CPHXL: variants seen among roughly 807,000 people sequenced by gnomAD.
CPHXL encodes the protein cytoplasmic polyadenylated homeobox like, also known as cytoplasmic polyadenylated homeobox-like protein.
At chr16:75,723,279 G>C (rs1156449623) in intron 1 of CPHXL, among the ~76,000 whole-genome samples, 1 of 152,068 alleles carries the variant, frequency 6.6e-6, no homozygotes, top group Non-Finnish European at 1.5e-5. Flanking sequence ...AGAAATAAAG[G>C]GTATTCAATT....
intron 1 of CPHXL, among the ~76,000 whole-genome samples, chr16:75,722,208 A>G (rs975632069): frequency 2.0e-5 from 3 of 152,214 alleles, no homozygotes; most frequent in African/African-American, 4.8e-5. Flanking sequence ...GAGAAGCAAG[A>G]GGAAACACAT....
intron 2 of CPHXL, among the ~76,000 whole-genome samples, chr16:75,715,851 T>A (rs1383483000): frequency 6.6e-6 from 1 of 151,098 alleles, no homozygotes; most frequent in Non-Finnish European, 1.5e-5. Flanking sequence ...AGCACCACCA[T>A]GCCCGGCTAA....
intron 1 of CPHXL, among the ~76,000 whole-genome samples, chr16:75,721,904 C>T (rs900187577): frequency 7.5e-4 from 115 of 152,328 alleles, no homozygotes; most frequent in African/African-American, 2.7e-3. Flanking sequence ...AACAAACTGT[C>T]TCTCAGACCA....
intron 2 of CPHXL, among the ~76,000 whole-genome samples, chr16:75,717,303 A>AATACCG (rs1959406631): frequency 6.6e-6 from 1 of 152,160 alleles, no homozygotes; most frequent in African/African-American, 2.4e-5. Context: ...ACATAATACT[A>AATACCG]TTTTCTTATG....
chr16:75,721,240 T>C (rs1424162314), intron 1 of CPHXL, among the ~76,000 whole-genome samples: 11 of 152,100 alleles, frequency 7.2e-5, no homozygotes, highest in Non-Finnish European at 1.5e-4. Flanking sequence ...AGGATCAAAT[T>C]CACACATAAC....
chr16:75,714,951 G>T lies in CPHXL; in HGVS notation c.491C>A (p.Thr164Asn), dbSNP rs980621997. ...CTGGGGGCCCACCTGTTGACTGGGA[G>T]TCTCTTGGTTCTCCAAAGAGAAACA... is the stretch of plus-strand genomic sequence containing the variant. ...YNCFSLENQE[T>N]PSQQVGPQCS... The change falls in exon 3 of 3, where the codon ACT becomes AAT. Residue 164 changes from threonine (T) to asparagine (N), a missense_variant. Coordinates refer to ENST00000640559, the MANE Select transcript of CPHXL (RefSeq NM_001355613.1). The T allele has an allele frequency of 2.5e-6, 1 of 398,602 alleles. No individual in the cohort carries two copies. The highest frequency in any genetic ancestry group is 4.4e-6 in the Non-Finnish European group (1 of 226,062). The allele number at this position is 398,602 out of a possible 1,614,324, so 24.7% of individuals were successfully genotyped here.
rs533297672 is a variant in CPHXL at position 75,720,396 on chromosome 16, G to T, written c.26-1938C>A. On this transcript the variant is annotated intron_variant, in intron 1 of 2. Coordinates refer to ENST00000640559, the MANE Select transcript of CPHXL (RefSeq NM_001355613.1). Reference sequence around the variant, plus strand: ...TGGCTAAGTAGAATAACCAAAGCAGGGAAGTCGTTAAAGGACCTGATGGAG... The same window carrying T: ...TGGCTAAGTAGAATAACCAAAGCAGTGAAGTCGTTAAAGGACCTGATGGAG... Among the ~76,000 whole-genome samples the T allele has an allele frequency of 6.6e-5, 10 of 152,204 alleles. No individual in the cohort carries two copies. In the South Asian group the frequency reaches 1.9e-3, roughly 28 times the overall value.
Position 75,718,317 on chromosome 16 carries a change from G to A in CPHXL, c.167C>T (p.Thr56Ile). Residue 56 changes from threonine (T) to isoleucine (I), a missense_variant, in exon 2 of 3, where the codon ACA becomes ATA. Thr to Ile is a moderately conservative substitution (Grantham distance 89, BLOSUM62 -1). Coordinates refer to ENST00000640559, the MANE Select transcript of CPHXL (RefSeq NM_001355613.1). The stretch of plus-strand genomic sequence containing the variant: ...TTTGATGGCCAGTGTTTTCCTAGTT[G>A]TGTAATCGGGATAACAGTTCTCTCC... ...IFGENCYPDY[T>I]TRKTLAIKFD... The A allele has an allele frequency of 2.5e-6, 1 of 398,704 alleles. No homozygotes were observed. Among genetic ancestry groups the A allele is most frequent in the Non-Finnish European group, 4.4e-6 (1 of 226,200 alleles). 24.7% of individuals were successfully genotyped at this position (398,704 alleles called of 1,614,324 possible).
Position 75,714,801 on chromosome 16 carries a change from G to C in CPHXL, c.641C>G (p.Thr214Ser), listed in dbSNP as rs948849959. 2 of 398,542 alleles carry C rather than the reference G, an allele frequency of 5.0e-6. No individual in the cohort carries two copies. The highest frequency in any genetic ancestry group is 2.1e-5 in the African/African-American group (1 of 48,622). 24.7% of individuals were successfully genotyped at this position (398,542 alleles called of 1,614,324 possible). ...CATAGCACAGCCTGGATGCTTTTCAGTGCCTGTGACCAGATAGGAACTCTG... is the reference window on the plus strand; with the variant it reads ...CATAGCACAGCCTGGATGCTTTTCACTGCCTGTGACCAGATAGGAACTCTG... ...ASQSSYLVTG[T>S]EKHPGCAMGY... The change falls in exon 3 of 3, where the codon ACT (threonine) becomes AGT (serine). Residue 214 changes from threonine to serine, a missense_variant. Coordinates refer to ENST00000640559, the MANE Select transcript of CPHXL (RefSeq NM_001355613.1).
chr16:75,718,181 G>T (rs1317293070), intron 2 of CPHXL, 84 bp downstream of exon 2: 2 of 395,608 alleles, frequency 5.1e-6, no homozygotes, highest in Non-Finnish European at 8.9e-6. Flanking sequence ...TCATGCCACT[G>T]TGCATCTGCC....
chr16:75,720,235 T>G (rs112322251), intron 1 of CPHXL, among the ~76,000 whole-genome samples: 1,818 of 152,104 alleles, frequency 0.012, 29 homozygotes, highest in African/African-American at 0.041. Flanking sequence ...CACCAGCAAT[T>G]GAACAAAGCT....
At chr16:75,720,564 A>G (rs1429487270) in intron 1 of CPHXL, among the ~76,000 whole-genome samples, 1 of 152,324 alleles carries the variant, frequency 6.6e-6, no homozygotes, top group South Asian at 2.1e-4. Context: ...AAAAGAATAA[A>G]AAGAAACAAA....
intron 1 of CPHXL, among the ~76,000 whole-genome samples, chr16:75,722,155 A>G (rs1158957203): frequency 6.6e-6 from 1 of 152,232 alleles, no homozygotes; most frequent in Non-Finnish European, 1.5e-5. Flanking sequence ...GAAAGCAGGA[A>G]AGATCTAAAA....
At chr16:75,718,226 A>T (rs1050832106) in intron 2 of CPHXL, 39 bp downstream of exon 2, 2 of 398,498 alleles carry the variant, frequency 5.0e-6, no homozygotes, top group African/African-American at 2.1e-5. Flanking sequence ...CTAAAAAAAA[A>T]AAAATCTAGG....
intron 2 of CPHXL, among the ~76,000 whole-genome samples, chr16:75,716,327 C>T (rs923442661): frequency 1.3e-5 from 2 of 152,136 alleles, no homozygotes; most frequent in Non-Finnish European, 2.9e-5. Flanking sequence ...CAAGTCTGCC[C>T]CTCCTTCAGA....
chr16:75,725,156 A>C (rs772272348), intron 1 of CPHXL, among the ~76,000 whole-genome samples: 140 of 152,170 alleles, frequency 9.2e-4, no homozygotes, highest in Non-Finnish European at 1.6e-3. Context: ...GGATAGCATT[A>C]GGAGATGTGC....
chr16:75,717,898 C>G (rs1435693866), intron 2 of CPHXL, among the ~76,000 whole-genome samples: 1 of 152,188 alleles, frequency 6.6e-6, no homozygotes, highest in Non-Finnish European at 1.5e-5. Context: ...CCCCTGCATT[C>G]TACCTCCATC....
chr16:75,723,949 G>C (rs1016728599), intron 1 of CPHXL, among the ~76,000 whole-genome samples: 1 of 152,150 alleles, frequency 6.6e-6, no homozygotes, highest in Non-Finnish European at 1.5e-5. Flanking sequence ...CAACAAAAGA[G>C]AGCCCTCAGA....
intron 1 of CPHXL, among the ~76,000 whole-genome samples, chr16:75,722,369 AAAG>A (rs1959490547): frequency 6.6e-6 from 1 of 152,210 alleles, no homozygotes; most frequent in African/African-American, 2.4e-5. Flanking sequence ...CAAGACTAAT[AAAG>A]AAGAAAAGAG....
Sources: gnomAD v4.1 joint callset for allele counts (sites outside exome capture counted in the v4.1 genomes callset) on GRCh38, gnomAD v4.1.1 for gene constraint, MANE v1.5 for transcripts, NCBI Gene and HGNC (gene_info 2026-07-23, HGNC 2026-07-21) for gene names.